Variants in ADRA1B observed in about 807,000 individuals in gnomAD.
ADRA1B encodes the protein alpha-1B adrenergic receptor.
In ADRA1B, 17 loss-of-function variants were observed where a neutral mutation model predicts 17.9. The ratio of observed to expected loss-of-function variants is 0.95; its 90% CI spans 0.65 to 1.42. The LOEUF is 1.42. Among genes scored for constraint, ADRA1B ranks in the 40% most tolerant of loss-of-function variants. The pLI, the probability that ADRA1B is intolerant of heterozygous loss-of-function variation, is 0.00. For synonymous variants in ADRA1B, 366 were observed against 327.6 expected (o/e 1.12, Z -1.27); for missense variants, 681 against 722.1 (o/e 0.94, Z 0.65).
intron 1 of ADRA1B, among the ~76,000 whole-genome samples, chr5:159,877,384 A>G (rs942069139): frequency 2.6e-5 from 4 of 152,166 alleles, no homozygotes; most frequent in African/African-American, 9.6e-5. Context: ...GCTCTGGAGA[A>G]GTCCTTCATG....
At chr5:159,982,981 G>A in the ADRA1B span, among the ~76,000 whole-genome samples, 32 of 152,216 alleles carry the variant, frequency 2.1e-4, no homozygotes, top group Non-Finnish European at 1.0e-4. Context: ...CATGCAGGAC[G>A]TGGCTCTGAC....
intron 1 of ADRA1B, among the ~76,000 whole-genome samples, chr5:159,952,979 G>T (rs1370638550): frequency 1.3e-5 from 2 of 152,142 alleles, no homozygotes; most frequent in African/African-American, 4.8e-5. Flanking sequence ...AGTTACACAG[G>T]GGGGATGCTA....
chr5:159,961,548 A>G lies in ADRA1B; in HGVS notation c.950-10331A>G, dbSNP rs80342279. On this transcript the variant is annotated intron_variant, in intron 1 of 1. Transcript: ENST00000306675. ...CAAAGCTGGTGCTGACAGAAGCAGCATATTATTGTAAATTTTTCCAGTTTT... is the reference window on the plus strand; with the variant it reads ...CAAAGCTGGTGCTGACAGAAGCAGCGTATTATTGTAAATTTTTCCAGTTTT... Among the ~76,000 whole-genome samples the G allele has an allele frequency of 5.5e-3, 832 of 152,348 alleles. 6 individuals carry two copies. Among genetic ancestry groups the G allele is most frequent in the Middle Eastern group, 0.024 (7 of 294 alleles).
Position 159,972,177 on chromosome 5 carries a change from C to T in ADRA1B, c.1248C>T (p.Gly416=), listed in dbSNP as rs1755885050. ...ACGACAGCGGCAGCTGCCTGAGCGGCAGCCAGCGGACCCTGCCCTCGGCCT... is the reference window on the plus strand; with the variant it reads ...ACGACAGCGGCAGCTGCCTGAGCGGTAGCCAGCGGACCCTGCCCTCGGCCT... The part of the protein sequence containing the change: ...SLDDSGSCLS[G]SQRTLPSASP... The change falls in exon 2 of 2, where the codon GGC becomes GGT. Residue 416 remains glycine, a synonymous_variant. Coordinates refer to ENST00000306675, the MANE Select transcript of ADRA1B (RefSeq NM_000679.4). 2 of 1,363,854 alleles carry T rather than the reference C, an allele frequency of 1.5e-6. No homozygotes were observed. Among genetic ancestry groups the T allele is most frequent in the Non-Finnish European group, 1.9e-6 (2 of 1,051,714 alleles). The allele number at this position is 1,363,854 out of a possible 1,614,324, so 84.5% of individuals were successfully genotyped here.
chr5:159,920,069 A>G (rs551417111), intron 1 of ADRA1B, among the ~76,000 whole-genome samples: 1 of 152,344 alleles, frequency 6.6e-6, no homozygotes, highest in Admixed American at 6.5e-5. Context: ...AAACAATGGT[A>G]GCTGCCTGGG....
chr5:159,941,362 A>C (rs1175804008), intron 1 of ADRA1B, among the ~76,000 whole-genome samples: 1 of 152,206 alleles, frequency 6.6e-6, no homozygotes, highest in East Asian at 1.9e-4. Flanking sequence ...TGTCTCAAGA[A>C]TAAACACATC....
In ADRA1B at chr5:159,899,263, A is replaced by AAAGGAAGGAAGGAAGG. The variant is rs199633101; in HGVS notation, c.-255-16817_-255-16802dup. ...GGGAGGAAGGAAGGAAGGAAGGAAGAAAGGAAGGAAGGAAGGAAGGAAGGA... is the reference window on the plus strand; with the variant it reads ...GGGAGGAAGGAAGGAAGGAAGGAAGAAAGGAAGGAAGGAAGGAAGGAAGGAAGGAAGGAAGGAAGGA... On this transcript the variant is annotated intron_variant, in intron 1 of 2. Transcript: ENST00000641205. Among the ~76,000 whole-genome samples, 53 of 106,520 alleles carry AAAGGAAGGAAGGAAGG rather than the reference A, an allele frequency of 5.0e-4. 3 individuals are homozygous for AAAGGAAGGAAGGAAGG. The East Asian group carries it at 7.4e-3, about 15-fold the overall frequency. 69.9% of individuals were successfully genotyped at this position (106,520 alleles called of 152,430 possible).
intron 1 of ADRA1B, among the ~76,000 whole-genome samples, chr5:159,923,769 C>A (rs1269904055): frequency 6.6e-6 from 1 of 152,268 alleles, no homozygotes; most frequent in Non-Finnish European, 1.5e-5. Context: ...CCTTGGACCC[C>A]ATTGTAGACC....
chr5:159,915,274 G>A (rs993870075), upstream of ADRA1B, among the ~76,000 whole-genome samples: 6 of 152,122 alleles, frequency 3.9e-5, no homozygotes, highest in Non-Finnish European at 8.8e-5. Flanking sequence ...GTGAACTTGG[G>A]CGAACAGCTA....
chr5:159,916,457 C>G (rs938978662), upstream of ADRA1B: 1 of 152,352 alleles, frequency 6.6e-6, no homozygotes, highest in Non-Finnish European at 1.5e-5. Flanking sequence ...GCGCCGGGCT[C>G]CCCCGCCTGA....
Position 159,956,968 on chromosome 5 carries a change from G to A in ADRA1B, c.950-14911G>A, listed in dbSNP as rs575522721. 7.9e-5 allele frequency among the ~76,000 whole-genome samples: 12 copies of A among 152,074 alleles called. No individual in the cohort carries two copies. In the East Asian group the frequency reaches 1.6e-3, roughly 20 times the overall value. On this transcript the variant is annotated intron_variant, in intron 1 of 1. Transcript: ENST00000306675. ...GCTCACTGCCACCTCCACCTCCAGC[G>A]TTCAAGCAATTCTCCTGCTTCAGCC...
chr5:159,872,004 C>T (rs954346365), intron 1 of ADRA1B, among the ~76,000 whole-genome samples: 1 of 152,122 alleles, frequency 6.6e-6, no homozygotes, highest in Non-Finnish European at 1.5e-5. Context: ...GGACAATAAG[C>T]TTTGATAAAC....
intron 1 of ADRA1B, among the ~76,000 whole-genome samples, chr5:159,879,661 G>T (rs750664707): frequency 8.5e-5 from 13 of 152,146 alleles, no homozygotes; most frequent in Non-Finnish European, 1.0e-4. Context: ...GTGTGTGTGG[G>T]TACATGTGTG....
At chr5:159,987,212 C>T in the ADRA1B span, among the ~76,000 whole-genome samples, 245 of 152,362 alleles carry the variant, frequency 1.6e-3, 4 homozygotes, top group East Asian at 0.038. Flanking sequence ...TCAGTTTCTT[C>T]CTCTGCAGGC....
In ADRA1B at chr5:159,970,515, A is replaced by G. The variant is rs112370607; in HGVS notation, c.950-1364A>G. ...TCCAGGTTGTCTCCCACCTCCTGTC[A>G]CTACAAACAATATTGCCATGAGCCC... On this transcript the variant is annotated intron_variant, in intron 1 of 1. Coordinates refer to ENST00000306675, the MANE Select transcript of ADRA1B (RefSeq NM_000679.4). 7.5e-3 allele frequency among the ~76,000 whole-genome samples: 1,147 copies of G among 152,264 alleles called. 18 individuals are homozygous for G. Among genetic ancestry groups the G allele is most frequent in the African/African-American group, 0.026 (1,090 of 41,542 alleles).
intron 1 of ADRA1B, among the ~76,000 whole-genome samples, chr5:159,957,842 T>C (rs2113275085): frequency 7.3e-6 from 1 of 137,698 alleles, no homozygotes; most frequent in East Asian, 2.2e-4. Flanking sequence ...GGCCAGAGAA[T>C]CACTTGAACC....
downstream of ADRA1B, among the ~76,000 whole-genome samples, chr5:159,976,666 A>AG (rs57995691): frequency 2.0e-5 from 3 of 151,910 alleles, no homozygotes; most frequent in African/African-American, 7.2e-5. Flanking sequence ...AAAAAAAAAA[A>AG]TTGTCCTACA....
At chr5:159,976,675 C>T (rs1228761509), downstream of ADRA1B, among the ~76,000 whole-genome samples, 1 of 150,696 alleles carries the variant, frequency 6.6e-6, no homozygotes, top group African/African-American at 2.4e-5. Context: ...AATTGTCCTA[C>T]AGCATGAAGA....
At chr5:159,884,165 G>A (rs182236637) in intron 1 of ADRA1B, among the ~76,000 whole-genome samples, 7 of 152,322 alleles carry the variant, frequency 4.6e-5, no homozygotes, top group Admixed American at 4.6e-4. Context: ...TCAGGATTGG[G>A]ATGCAAAAAA....
Sources: allele counts gnomAD v4.1 joint callset (sites outside exome capture counted in the v4.1 genomes callset), GRCh38; gene constraint gnomAD v4.1.1; transcripts MANE v1.5; gene names NCBI Gene and HGNC (gene_info 2026-07-23, HGNC 2026-07-21).